The following TMEM132B variants were observed in gnomAD, a reference collection of about 807,000 sequenced individuals.
TMEM132B encodes the protein transmembrane protein 132B.
Under a neutral mutation model 90.8 loss-of-function variants are expected in TMEM132B, and 18 were observed. The ratio of observed to expected loss-of-function variants is 0.20; its 90% CI spans 0.14 to 0.29. TMEM132B has a LOEUF of 0.29. Among genes scored for constraint, TMEM132B ranks in the 10% least tolerant of loss-of-function variants. The pLI, the probability that TMEM132B is intolerant of heterozygous loss-of-function variation, is 1.00. For missense variants in TMEM132B, 1,096 were observed against 1,326.8 expected, an observed-to-expected ratio of 0.83 and a Z score of 2.70; for synonymous variants, 504 against 523.3, an observed-to-expected ratio of 0.96 and a Z score of 0.50.
chr12:125,556,623 G>T (rs1884394726), intron 4 of TMEM132B, among the ~76,000 whole-genome samples: 1 of 152,204 alleles, frequency 6.6e-6, no homozygotes, highest in Admixed American at 6.5e-5. Flanking sequence ...ATATTCCCAT[G>T]TGACAAGATA....
chr12:125,366,335 A>T (rs1438419537), intron 2 of TMEM132B, among the ~76,000 whole-genome samples: 2 of 152,166 alleles, frequency 1.3e-5, no homozygotes, highest in Admixed American at 6.5e-5. Flanking sequence ...GCTGCAGTAA[A>T]CGCAGGAGTG....
intron 3 of TMEM132B, among the ~76,000 whole-genome samples, chr12:125,484,266 C>G (rs11058199): frequency 0.29 from 43,926 of 150,658 alleles, 6,650 homozygotes; most frequent in East Asian, 0.52. Context: ...AGTGTACACA[C>G]GATATGTATG....
chr12:125,629,639 T>C (rs574200482), intron 5 of TMEM132B, among the ~76,000 whole-genome samples: 1 of 152,240 alleles, frequency 6.6e-6, no homozygotes, highest in African/African-American at 2.4e-5. Flanking sequence ...TTTCTTTTCC[T>C]TGTCTGATTG....
At chr12:125,248,960 A>C (rs1874260909) in intron 1 of TMEM132B, among the ~76,000 whole-genome samples, 1 of 152,060 alleles carries the variant, frequency 6.6e-6, no homozygotes, top group Admixed American at 6.5e-5. Flanking sequence ...AGTCACCCAG[A>C]CTGGTAACCC....
At chr12:125,551,603 T>C (rs115010684) in intron 4 of TMEM132B, among the ~76,000 whole-genome samples, 1,837 of 149,976 alleles carry the variant, frequency 0.012, 25 homozygotes, top group African/African-American at 0.043. Context: ...TTTTTTTTTT[T>C]AAACAAGATG....
chr12:125,315,302 G>T (rs1159995930), intron 1 of TMEM132B, among the ~76,000 whole-genome samples: 1 of 152,212 alleles, frequency 6.6e-6, no homozygotes, highest in Non-Finnish European at 1.5e-5. Flanking sequence ...AGGCTCAAGT[G>T]ATTCTCCTGC....
chr12:125,256,189 T>C (rs1874435474), intron 1 of TMEM132B, among the ~76,000 whole-genome samples: 1 of 152,194 alleles, frequency 6.6e-6, no homozygotes, highest in African/African-American at 2.4e-5. Flanking sequence ...TGCACTTTCT[T>C]CTCTGACAGC....
At chr12:125,331,361 A>C (rs1452071198) in intron 1 of TMEM132B, among the ~76,000 whole-genome samples, 2 of 152,190 alleles carry the variant, frequency 1.3e-5, no homozygotes, top group African/African-American at 4.8e-5. Flanking sequence ...GGCTGCTGTT[A>C]AGGGTTTTTA....
rs114819563 is a variant in TMEM132B, at chr12:125,338,244, A to G, written c.68-11208A>G. ...AGCCCTGGCCACAGTGGCTTAGGCGAGTAGGATTTGATCTTATTTTTTCTT... is the reference window on the plus strand; with the variant it reads ...AGCCCTGGCCACAGTGGCTTAGGCGGGTAGGATTTGATCTTATTTTTTCTT... On this transcript the variant is annotated intron_variant, in intron 1 of 8. Coordinates refer to ENST00000682704, the MANE Select transcript of TMEM132B (RefSeq NM_001366854.1). Among the ~76,000 whole-genome samples, 518 of 152,254 alleles carry G rather than the reference A, an allele frequency of 3.4e-3. 2 individuals are homozygous for G. The highest frequency in any genetic ancestry group is 0.012 in the African/African-American group (492 of 41,552).
At chr12:125,584,179 A>G in intron 5 of TMEM132B, 185 bp downstream of exon 5, 1 of 750,626 alleles carries the variant, frequency 1.3e-6, no homozygotes, top group Non-Finnish European at 2.2e-6. Context: ...CGGCTGCAGC[A>G]GGTGATGCTG....
chr12:125,270,515 G>A (rs541218921), intron 1 of TMEM132B, among the ~76,000 whole-genome samples: 1 of 152,300 alleles, frequency 6.6e-6, no homozygotes, highest in South Asian at 2.1e-4. Flanking sequence ...TGGGGCAACT[G>A]GGAAGAGGAA....
intron 5 of TMEM132B, among the ~76,000 whole-genome samples, chr12:125,618,045 G>A (rs1014001291): frequency 6.6e-6 from 1 of 151,954 alleles, no homozygotes; most frequent in African/African-American, 2.4e-5. Flanking sequence ...GTTCCTTTAG[G>A]GAGAGCTTGG....
intron 3 of TMEM132B, among the ~76,000 whole-genome samples, chr12:125,417,194 A>G (rs372686337): frequency 2.6e-5 from 4 of 151,794 alleles, no homozygotes; most frequent in Admixed American, 6.6e-5. Context: ...GACTCACCCA[A>G]CGATATCCAA....
intron 5 of TMEM132B, among the ~76,000 whole-genome samples, chr12:125,601,920 T>C (rs1885582117): frequency 6.6e-6 from 1 of 152,030 alleles, no homozygotes; most frequent in South Asian, 2.1e-4. Flanking sequence ...CAGAAAGAAG[T>C]CAAATCCCTG....
chr12:125,252,604 C>T (rs1375651399), intron 1 of TMEM132B, among the ~76,000 whole-genome samples: 1 of 152,174 alleles, frequency 6.6e-6, no homozygotes, highest in African/African-American at 2.4e-5. Context: ...ACAGTTCACC[C>T]GGAACCCCTA....
At chr12:125,433,587 G>A (rs1321857038) in intron 3 of TMEM132B, among the ~76,000 whole-genome samples, 1 of 145,582 alleles carries the variant, frequency 6.9e-6, no homozygotes, top group African/African-American at 2.5e-5. Flanking sequence ...AGTTACATAT[G>A]TATACATGTG....
At chr12:125,396,032 G>A (rs768543660) in intron 2 of TMEM132B, among the ~76,000 whole-genome samples, 5 of 152,202 alleles carry the variant, frequency 3.3e-5, no homozygotes, top group Non-Finnish European at 7.3e-5. Flanking sequence ...CAATCACTCT[G>A]TCAGGAGGAC....
chr12:125,355,442 G>C (rs1877734333), intron 2 of TMEM132B, among the ~76,000 whole-genome samples: 1 of 152,106 alleles, frequency 6.6e-6, no homozygotes, highest in African/African-American at 2.4e-5. Context: ...GCCCGGAGTT[G>C]GAAGCAGAGG....
At chr12:125,416,974 C>G (rs1880032415) in intron 3 of TMEM132B, among the ~76,000 whole-genome samples, 1 of 152,172 alleles carries the variant, frequency 6.6e-6, no homozygotes, top group Non-Finnish European at 1.5e-5. Context: ...GAATATTTAC[C>G]TCAAAGTGGC....
Sources: gnomAD v4.1 joint callset for allele counts (sites outside exome capture counted in the v4.1 genomes callset) on GRCh38, gnomAD v4.1.1 for gene constraint, MANE v1.5 for transcripts, NCBI Gene and HGNC (gene_info 2026-07-23, HGNC 2026-07-21) for gene names.